The following CACNA1C variants were observed in gnomAD, a reference collection of about 807,000 sequenced individuals.
The protein encoded by CACNA1C is voltage-dependent L-type calcium channel subunit alpha-1C.
CACNA1C carries 30 observed loss-of-function variants against 229.0 expected under a neutral mutation model. The ratio of observed to expected loss-of-function variants is 0.13; its 90% CI spans 0.10 to 0.18. CACNA1C has a LOEUF of 0.18. CACNA1C is among the 10% of genes least tolerant of loss of function. The pLI is 1.00. For missense variants in CACNA1C, 1,658 were observed against 2,845.0 expected (o/e 0.58, Z 9.49); for synonymous variants, 1,114 against 1,132.5 (o/e 0.98, Z 0.33).
At chr12:2,431,891 C>G (rs900533789) in intron 3 of CACNA1C, among the ~76,000 whole-genome samples, 1 of 152,190 alleles carries the variant, frequency 6.6e-6, no homozygotes, top group African/African-American at 2.4e-5. Flanking sequence ...CCCCAAGATT[C>G]CCATTCCCTC....
chr12:2,170,745 A>G (rs2096442310), intron 3 of CACNA1C, among the ~76,000 whole-genome samples: 1 of 152,058 alleles, frequency 6.6e-6, no homozygotes, highest in Admixed American at 6.5e-5. Flanking sequence ...TTCCTCTCCC[A>G]CGTTCACTGG....
At chr12:2,323,379 C>T (rs2154498745) in intron 3 of CACNA1C, among the ~76,000 whole-genome samples, 1 of 152,354 alleles carries the variant, frequency 6.6e-6, no homozygotes, top group Non-Finnish European at 1.5e-5. Flanking sequence ...CTGGGGTTCA[C>T]TGCCTGCAGC....
intron 1 of CACNA1C, among the ~76,000 whole-genome samples, chr12:2,071,172 C>CCCTCCCTTCCTTCCTT (rs1555115765): frequency 0.012 from 188 of 16,040 alleles, 28 homozygotes; most frequent in African/African-American, 0.062. Flanking sequence ...CTCCCTCCCT[C>CCCTCCCTTCCTTCCTT]CCTGCCTGCC....
intron 1 of CACNA1C, among the ~76,000 whole-genome samples, chr12:2,041,270 C>CTTTTTTTTTTTTTTTTTT (rs58922699): frequency 1.1e-5 from 1 of 91,008 alleles, no homozygotes. Context: ...TAAGGGTATT[C>CTTTTTTTTTTTTTTTTTT]TTTTTTTTTT....
chr12:2,684,715 G>A (rs1360792408), intron 43 of CACNA1C, among the ~76,000 whole-genome samples: 3 of 152,310 alleles, frequency 2.0e-5, no homozygotes, highest in Admixed American at 6.5e-5. Context: ...CGCACAAGGT[G>A]AAATGGAAGC....
intron 30 of CACNA1C, among the ~76,000 whole-genome samples, chr12:2,644,684 C>A (rs1335861858): frequency 6.6e-6 from 1 of 152,108 alleles, no homozygotes; most frequent in Non-Finnish European, 1.5e-5. Flanking sequence ...CTAAATGTGG[C>A]CTAGACCTGG....
intron 3 of CACNA1C, among the ~76,000 whole-genome samples, chr12:2,236,648 C>T (rs1265510525): frequency 1.3e-5 from 2 of 152,142 alleles, no homozygotes; most frequent in Non-Finnish European, 2.9e-5. Context: ...ATGCAGTTCT[C>T]CCAGCCACAC....
intron 4 of CACNA1C, among the ~76,000 whole-genome samples, chr12:2,453,527 C>T (rs894160101): frequency 6.6e-6 from 1 of 152,138 alleles, no homozygotes; most frequent in Non-Finnish European, 1.5e-5. Context: ...GTATAAAGGA[C>T]AGAAATCACC....
chr12:2,323,032 C>G (rs2096090548), intron 3 of CACNA1C, among the ~76,000 whole-genome samples: 1 of 152,196 alleles, frequency 6.6e-6, no homozygotes, highest in Non-Finnish European at 1.5e-5. Context: ...CTTGTCCTCT[C>G]CATTTACCTG....
intron 9 of CACNA1C, among the ~76,000 whole-genome samples, chr12:2,516,993 A>G (rs2099798242): frequency 1.3e-5 from 2 of 152,336 alleles, no homozygotes; most frequent in East Asian, 1.9e-4. Flanking sequence ...ATTGGGATAC[A>G]GGGAAAGAAC....
intron 3 of CACNA1C, among the ~76,000 whole-genome samples, chr12:2,243,200 A>G (rs2071377437): frequency 6.6e-6 from 1 of 152,182 alleles, no homozygotes; most frequent in Non-Finnish European, 1.5e-5. Context: ...ATGGTAATTG[A>G]GCTCTGACGA....
intron 4 of CACNA1C, among the ~76,000 whole-genome samples, chr12:2,451,710 AG>A (rs1433496884): frequency 6.6e-6 from 1 of 152,178 alleles, no homozygotes; most frequent in African/African-American, 2.4e-5. Context: ...CACAACCACA[AG>A]GGGCCAGGCT....
chr12:2,638,172 G>A (rs1204190816), intron 30 of CACNA1C, among the ~76,000 whole-genome samples: 7 of 152,202 alleles, frequency 4.6e-5, no homozygotes, highest in Admixed American at 3.9e-4. Context: ...GAACTCATAC[G>A]GTGTGTTAGA....
In CACNA1C at chr12:2,054,071, CCGGCGCCCACGGCCGCCCCTG is replaced by C; in HGVS notation, c.49+461_49+481del. Among the ~76,000 whole-genome samples, 1 of 147,876 alleles carries C rather than the reference CCGGCGCCCACGGCCGCCCCTG, an allele frequency of 6.8e-6. No homozygotes were observed. Among genetic ancestry groups the C allele is most frequent in the South Asian group, 2.1e-4 (1 of 4,828 alleles). On this transcript the variant is annotated intron_variant, in intron 1 of 46. Coordinates refer to ENST00000399655, the MANE Select transcript of CACNA1C (RefSeq NM_000719.7). This position sits in a 1 kb window ranked among gnomAD's most constrained non-coding sequence, Gnocchi z 5.5. Reference sequence around the variant, plus strand: ...CGCGCGCACCCTGCGCCGGCAGAGCCCGGCGCCCACGGCCGCCCCTGGGGCGCCCTCGCGCTGCCCGGCGTC... The same window carrying C: ...CGCGCGCACCCTGCGCCGGCAGAGCCGGGCGCCCTCGCGCTGCCCGGCGTC...
chr12:2,501,272 G>T lies in CACNA1C; in HGVS notation c.1114-3570G>T, dbSNP rs931113539. On this transcript the variant is annotated intron_variant, in intron 7 of 46. Transcript: ENST00000399655. ...TCATTTAGAGGAAAAGAAAGGGACT[G>T]CTTCTGACCCTCCTTAGCAGGACTT... Among the ~76,000 whole-genome samples the T allele has an allele frequency of 6.8e-5, 10 of 147,384 alleles. No individual in the cohort carries two copies. The South Asian group carries it at 1.1e-3, about 16-fold the overall frequency.
At chr12:2,373,522 G>C (rs1395807746) in intron 3 of CACNA1C, among the ~76,000 whole-genome samples, 3 of 152,094 alleles carry the variant, frequency 2.0e-5, no homozygotes, top group African/African-American at 7.2e-5. Flanking sequence ...GGTGTCCCAG[G>C]CAGCATGCAG....
At chr12:2,637,456 T>C (rs113357410) in intron 30 of CACNA1C, among the ~76,000 whole-genome samples, 5 of 152,264 alleles carry the variant, frequency 3.3e-5, no homozygotes, top group South Asian at 2.1e-4. Context: ...CTTAGACCCA[T>C]AGAGATGGCC....
chr12:2,555,676 T>C (rs1393839138), intron 10 of CACNA1C, among the ~76,000 whole-genome samples: 1 of 152,198 alleles, frequency 6.6e-6, no homozygotes, highest in Non-Finnish European at 1.5e-5. Context: ...AGGCAGTCTT[T>C]GCGGGTGGGA....
At chr12:2,089,726 A>G (rs1483635221) in intron 1 of CACNA1C, among the ~76,000 whole-genome samples, 1 of 152,178 alleles carries the variant, frequency 6.6e-6, no homozygotes, top group East Asian at 1.9e-4. Flanking sequence ...CATCTCCAGA[A>G]CTTTTTCATC....
Sources: gnomAD v4.1 joint callset for allele counts (sites outside exome capture counted in the v4.1 genomes callset) on GRCh38, gnomAD v4.1.1 for gene constraint, Gnocchi (gnomAD v3.1) non-coding constraint, MANE v1.5 for transcripts, NCBI Gene and HGNC (gene_info 2026-07-23, HGNC 2026-07-21) for gene names.